OGDH: variants seen among roughly 807,000 people sequenced by gnomAD.
OGDH encodes the protein oxoglutarate dehydrogenase.
A neutral mutation model predicts 116.6 loss-of-function variants in OGDH; 38 were observed. The observed-to-expected ratio is 0.33, with a 90% CI of 0.25 to 0.43. OGDH has a LOEUF of 0.43. Ranked by LOEUF, OGDH falls within the 20% of genes least tolerant of loss-of-function variation. OGDH has a pLI of 1.00. For missense variants in OGDH, 825 were observed against 1,357.2 expected (o/e 0.61, Z 6.16); for synonymous variants, 488 against 533.3 (o/e 0.92, Z 1.17).
At position 44,672,650 on chromosome 7, in the gene OGDH, T is replaced by G. The variant is rs997712220; in HGVS notation, c.634-1137T>G. Among the ~76,000 whole-genome samples, 74 of 149,762 alleles carry G rather than the reference T, an allele frequency of 4.9e-4. 2 individuals carry two copies. The highest frequency in any genetic ancestry group is 2.1e-3 in the South Asian group (10 of 4,724). On this transcript the variant is annotated intron_variant, in intron 5 of 22. Coordinates refer to ENST00000222673, the MANE Select transcript of OGDH (RefSeq NM_002541.4). Reference sequence around the variant, plus strand: ...GGATTTCTTTTTGTTTTTTGTTTTTTTTTTTTTTTTGAGATGGAGTCTCAC... The same window carrying G: ...GGATTTCTTTTTGTTTTTTGTTTTTGTTTTTTTTTTGAGATGGAGTCTCAC...
In OGDH at chr7:44,645,464, G is replaced by T; in HGVS notation, c.360G>T (p.Val120=). ...AQSLVEAQPN[V]DKLVEDHLAV... ...CCCTGGTAGAAGCACAGCCCAACGT[G>T]GACAAGCTCGTGGAGGACCACCTGG... Residue 120 remains valine, a synonymous_variant, in exon 3 of 23, where the codon GTG becomes GTT. Coordinates refer to ENST00000222673, the MANE Select transcript of OGDH (RefSeq NM_002541.4). 3 of 1,614,176 alleles carry T rather than the reference G, an allele frequency of 1.9e-6. No homozygotes were observed. In the South Asian group the frequency reaches 3.3e-5, roughly 18 times the overall value.
intron 9 of OGDH, among the ~76,000 whole-genome samples, chr7:44,677,571 A>G (rs1787753188): frequency 6.6e-6 from 1 of 152,184 alleles, no homozygotes; most frequent in Non-Finnish European, 1.5e-5. Context: ...GGTCTATGTT[A>G]GAAGTGGAAC....
intron 4 of OGDH, among the ~76,000 whole-genome samples, chr7:44,658,310 G>C (rs1372732700): frequency 4.0e-5 from 6 of 151,894 alleles, no homozygotes. Context: ...TATACATTGT[G>C]TATATGTTTT....
intron 7 of OGDH, 55 bp from the exon 8 acceptor site, chr7:44,675,123 C>T: frequency 1.4e-6 from 2 of 1,414,860 alleles, no homozygotes. Flanking sequence ...CCTCATCTGC[C>T]ATCTGGAAAC....
At chr7:44,629,935 A>G (rs1296736167) in intron 2 of OGDH, among the ~76,000 whole-genome samples, 1 of 151,996 alleles carries the variant, frequency 6.6e-6, no homozygotes, top group African/African-American at 2.4e-5. Flanking sequence ...GTCAGCTCCT[A>G]AAGTGTGTAC....
chr7:44,691,531 C>CAAA (rs56021103), intron 10 of OGDH, among the ~76,000 whole-genome samples: 2 of 77,740 alleles, frequency 2.6e-5, no homozygotes, highest in Admixed American at 1.4e-4. Flanking sequence ...GACCTTCTCT[C>CAAA]AAAAAAAAAA....
At chr7:44,684,775 T>C (rs1788061848) in intron 10 of OGDH, among the ~76,000 whole-genome samples, 1 of 151,966 alleles carries the variant, frequency 6.6e-6, no homozygotes, top group Admixed American at 6.6e-5. Flanking sequence ...CCAACCTCAC[T>C]ACTGAACTGA....
chr7:44,618,171 T>G (rs1026871065), intron 1 of OGDH, among the ~76,000 whole-genome samples: 3 of 152,248 alleles, frequency 2.0e-5, no homozygotes, highest in Admixed American at 1.3e-4. Context: ...GATTACAACT[T>G]GTATCATTTT....
Position 44,621,864 on chromosome 7 carries a change from C to G in OGDH, c.-27-2453C>G, listed in dbSNP as rs377647800. 3.4e-3 allele frequency among the ~76,000 whole-genome samples: 472 copies of G among 137,128 alleles called. 2 individuals are homozygous for G. The highest frequency in any genetic ancestry group is 0.011 in the African/African-American group (458 of 40,764). The allele number at this position is 137,128 out of a possible 152,430, so 90.0% of individuals were successfully genotyped here. ...CCAGCCTGGACTACAGAGCAAGACT[C>G]CGTATCAAAAAAAAAAAATCTCCAG... On this transcript the variant is annotated intron_variant, in intron 1 of 22. Coordinates refer to ENST00000222673, the MANE Select transcript of OGDH (RefSeq NM_002541.4).
Position 44,707,978 on chromosome 7 carries a change from C to T in OGDH, c.3051C>T (p.Asp1017=), listed in dbSNP as rs199595163. The change falls in exon 23 of 23, where the codon GAC becomes GAT. Residue 1017 remains aspartate, a synonymous_variant. Transcript: ENST00000222673. This position sits in a 1 kb window ranked among gnomAD's most constrained non-coding sequence, Gnocchi z 5.2. ...TCCTGGACACGGCCTTCGACCTGGACGTCTTCAAGAACTTCTCGTAGATGC... is the reference window on the plus strand; with the variant it reads ...TCCTGGACACGGCCTTCGACCTGGATGTCTTCAAGAACTTCTCGTAGATGC... The part of the protein sequence containing the change: ...QRLLDTAFDL[D]VFKNFS 118 of 1,613,582 alleles carry T rather than the reference C, an allele frequency of 7.3e-5. No homozygotes were observed. In the Admixed American group the frequency reaches 1.7e-3, roughly 23 times the overall value.
rs1016564273 is a variant in OGDH at position 44,651,903 on chromosome 7, C to T, written c.517+4144C>T. Among the ~76,000 whole-genome samples the T allele has an allele frequency of 5.9e-5, 9 of 151,814 alleles. No individual in the cohort carries two copies. The South Asian group carries it at 1.3e-3, about 21-fold the overall frequency. On this transcript the variant is annotated intron_variant, in intron 4 of 22. Transcript: ENST00000222673. Reference sequence around the variant, plus strand: ...TTTAAGTAGAGACAGGGTTTCACCACGTTGCCCAGGCTGTTCTCAAACTCC... The same window carrying T: ...TTTAAGTAGAGACAGGGTTTCACCATGTTGCCCAGGCTGTTCTCAAACTCC...
At chr7:44,655,692 T>G (rs1786659448) in intron 4 of OGDH, among the ~76,000 whole-genome samples, 1 of 152,228 alleles carries the variant, frequency 6.6e-6, no homozygotes, top group Non-Finnish European at 1.5e-5. Context: ...AGCTGTTATG[T>G]ATAGTAGAAA....
intron 4 of OGDH, among the ~76,000 whole-genome samples, chr7:44,661,663 C>T (rs975756416): frequency 2.0e-5 from 3 of 151,668 alleles, no homozygotes; most frequent in East Asian, 1.9e-4. Flanking sequence ...GGTGCAGGGG[C>T]GTGATCTTGG....
intron 9 of OGDH, among the ~76,000 whole-genome samples, chr7:44,677,895 G>T (rs1267298278): frequency 6.7e-6 from 1 of 148,728 alleles, no homozygotes; most frequent in Non-Finnish European, 1.5e-5. Flanking sequence ...AAAAAAAAAA[G>T]AAGTGGAACC....
chr7:44,650,528 C>T (rs930138252), intron 4 of OGDH, among the ~76,000 whole-genome samples: 3 of 152,162 alleles, frequency 2.0e-5, no homozygotes, highest in Admixed American at 6.6e-5. Flanking sequence ...TAACTATGCT[C>T]CAAGTGGGCT....
intron 1 of OGDH, among the ~76,000 whole-genome samples, chr7:44,616,805 A>ACACATATACG (rs1784804519): frequency 1.8e-5 from 2 of 113,394 alleles, no homozygotes; most frequent in Non-Finnish European, 3.8e-5. Flanking sequence ...GTGTATATAT[A>ACACATATACG]TGCATATATA....
At chr7:44,635,016 C>T (rs987823359) in intron 2 of OGDH, among the ~76,000 whole-genome samples, 1 of 152,202 alleles carries the variant, frequency 6.6e-6, no homozygotes, top group Non-Finnish European at 1.5e-5. Flanking sequence ...AGCTCTGGCC[C>T]ACACGTTTAG....
At chr7:44,632,253 G>A (rs1056111419) in intron 2 of OGDH, among the ~76,000 whole-genome samples, 5 of 152,118 alleles carry the variant, frequency 3.3e-5, no homozygotes, top group Admixed American at 1.3e-4. Flanking sequence ...CACTGAGGCT[G>A]GTGGGAGGAG....
chr7:44,644,652 T>TA (rs1786090320), intron 2 of OGDH, among the ~76,000 whole-genome samples: 1 of 152,242 alleles, frequency 6.6e-6, no homozygotes, highest in Non-Finnish European at 1.5e-5. Context: ...AATTTCCATC[T>TA]CTGACCCCAC....
Sources: gnomAD v4.1 joint callset for allele counts (sites outside exome capture counted in the v4.1 genomes callset) on GRCh38, gnomAD v4.1.1 for gene constraint, Gnocchi (gnomAD v3.1) non-coding constraint, MANE v1.5 for transcripts, NCBI Gene and HGNC (gene_info 2026-07-23, HGNC 2026-07-21) for gene names.